Variants in RASGRF2 observed in about 807,000 individuals in gnomAD.
RASGRF2 encodes the protein Ras protein specific guanine nucleotide releasing factor 2.
In RASGRF2, 76 loss-of-function variants were observed where a neutral mutation model predicts 151.0. That is an observed-to-expected ratio of 0.50 (90% CI 0.42 to 0.61). RASGRF2 has a LOEUF of 0.61. Among genes scored for constraint, RASGRF2 ranks in the 20% least tolerant of loss-of-function variants. The pLI is 0.00. For synonymous variants in RASGRF2, 504 were observed against 566.5 expected (o/e 0.89, Z 1.57); for missense variants, 1,148 against 1,564.6 (o/e 0.73, Z 4.49).
rs547141036 is a variant in RASGRF2, at chr5:80,978,049, A to C, written c.288+17023A>C. 7.9e-5 allele frequency among the ~76,000 whole-genome samples: 12 copies of C among 152,296 alleles called. No homozygotes were observed. In the South Asian group the frequency reaches 2.5e-3, roughly 32 times the overall value. The stretch of plus-strand genomic sequence containing the variant: ...CCCTTAGAGGATAGGTGAGTGAAAG[A>C]GTTTCTTTGTCATGTGATTTCTTTC... On this transcript the variant is annotated intron_variant, in intron 1 of 26. Transcript: ENST00000265080.
intron 1 of RASGRF2, among the ~76,000 whole-genome samples, chr5:80,996,011 A>G (rs1233036154): frequency 6.6e-6 from 1 of 151,914 alleles, no homozygotes; most frequent in Non-Finnish European, 1.5e-5. Context: ...TTGTTTCTTG[A>G]CAGTAACTAG....
chr5:81,106,583 G>A (rs762630898), intron 12 of RASGRF2, among the ~76,000 whole-genome samples: 3 of 152,054 alleles, frequency 2.0e-5, no homozygotes, highest in Admixed American at 6.6e-5. Flanking sequence ...TTATGAATGC[G>A]TGCACCAGCC....
At chr5:81,093,932 C>T (rs1460710753) in intron 10 of RASGRF2, among the ~76,000 whole-genome samples, 1 of 152,022 alleles carries the variant, frequency 6.6e-6, no homozygotes, top group Non-Finnish European at 1.5e-5. Flanking sequence ...AAATATTATT[C>T]AACACCATGA....
rs1443535761 is a variant in RASGRF2 at position 81,228,230 on chromosome 5, G to A, written c.*2460G>A. 2.6e-5 allele frequency: 4 copies of A among 152,202 alleles called. No homozygotes were observed. The highest frequency in any genetic ancestry group is 4.4e-5 in the Non-Finnish European group (3 of 68,046). The allele number at this position is 152,202 out of a possible 1,614,324, so 9.4% of individuals were successfully genotyped here. On this transcript the variant is annotated 3_prime_UTR_variant, in exon 27 of 27. Coordinates refer to ENST00000265080, the MANE Select transcript of RASGRF2 (RefSeq NM_006909.3). ...CCACTCACTAGCCTTTCGCATTTTT[G>A]TTTGAGAATTACACCACTTTCTGGA...
intron 2 of RASGRF2, among the ~76,000 whole-genome samples, chr5:81,056,457 C>G (rs990027186): frequency 6.6e-6 from 1 of 152,184 alleles, no homozygotes; most frequent in Non-Finnish European, 1.5e-5. Context: ...TTTCTTAATC[C>G]TGAGTTCTCG....
At chr5:81,184,218 G>A (rs1754976513) in intron 18 of RASGRF2, among the ~76,000 whole-genome samples, 1 of 152,214 alleles carries the variant, frequency 6.6e-6, no homozygotes, top group South Asian at 2.1e-4. Context: ...TAAAGGAAGT[G>A]TTTTCATTAG....
rs2112735009 is a variant in RASGRF2 at position 81,212,351 on chromosome 5, T to C, written c.3157-15T>C. The C allele has an allele frequency of 6.4e-7, 1 of 1,574,486 alleles. No homozygotes were observed. Among genetic ancestry groups the C allele is most frequent in the Non-Finnish European group, 8.7e-7 (1 of 1,155,458 alleles). On this transcript the variant is annotated splice_polypyrimidine_tract_variant and intron_variant, in intron 22 of 26. Coordinates refer to ENST00000265080, the MANE Select transcript of RASGRF2 (RefSeq NM_006909.3). ...GGCTCTTAGACTGCCTTTCGGGGCT[T>C]TTTGATTGTCTCAGATGAGTAACCT...
chr5:81,056,094 AT>A (rs1167467267), intron 2 of RASGRF2, among the ~76,000 whole-genome samples: 1 of 151,918 alleles, frequency 6.6e-6, no homozygotes, highest in South Asian at 2.1e-4. Flanking sequence ...GGATTCATTG[AT>A]TTTTTGAAGG....
intron 22 of RASGRF2, 55 bp downstream of exon 22, chr5:81,208,493 G>A (rs575060228): frequency 6.0e-6 from 8 of 1,327,472 alleles, no homozygotes; most frequent in African/African-American, 3.0e-5. Context: ...TGGATATTGG[G>A]GTCTAAAGAC....
chr5:81,094,838 G>A lies in RASGRF2; in HGVS notation c.1619-18G>A, dbSNP rs1011251190. 3 of 1,578,044 alleles carry A rather than the reference G, an allele frequency of 1.9e-6. No homozygotes were observed. Among genetic ancestry groups the A allele is most frequent in the African/African-American group, 2.7e-5 (2 of 73,720 alleles). On this transcript the variant is annotated intron_variant, in intron 11 of 26. Transcript: ENST00000265080. The stretch of plus-strand genomic sequence containing the variant: ...TTTTTGTATTCTCATCTAATTGTTT[G>A]CTTTACATGTGTTCAAGCTAAAGGT...
At chr5:81,106,350 A>G (rs1248207412) in intron 12 of RASGRF2, among the ~76,000 whole-genome samples, 1 of 152,088 alleles carries the variant, frequency 6.6e-6, no homozygotes, top group East Asian at 1.9e-4. Flanking sequence ...TTACTGATTC[A>G]GTATTATTCT....
chr5:81,183,130 C>T (rs1298047456), intron 18 of RASGRF2: 5 of 953,004 alleles, frequency 5.2e-6, no homozygotes, highest in Non-Finnish European at 6.2e-6. Flanking sequence ...CTCAAAACTA[C>T]AGCCAAGCAT....
chr5:80,960,566 C>A lies in RASGRF2; in HGVS notation c.-173C>A. On this transcript the variant is annotated 5_prime_UTR_variant, in exon 1 of 27. Transcript: ENST00000265080. This position sits in a 1 kb window ranked among gnomAD's most constrained non-coding sequence, Gnocchi z 5.5. The stretch of plus-strand genomic sequence containing the variant: ...GCCCCAGCCCGCGCCCCTGCCACCG[C>A]GCGCCGCGGCCTCCCGAAAGCGGGC... 2 of 497,282 alleles carry A rather than the reference C, an allele frequency of 4.0e-6. No homozygotes were observed. Among genetic ancestry groups the A allele is most frequent in the Non-Finnish European group, 6.0e-6 (2 of 330,690 alleles). 30.8% of individuals were successfully genotyped at this position (497,282 alleles called of 1,614,324 possible). A position where few individuals can be genotyped will look rare whatever the true frequency, so the allele number is the denominator to read the frequency against.
chr5:80,993,669 A>C (rs1298863889), intron 1 of RASGRF2, among the ~76,000 whole-genome samples: 1 of 152,210 alleles, frequency 6.6e-6, no homozygotes, highest in African/African-American at 2.4e-5. Flanking sequence ...GCAGGGAACC[A>C]TTCTCACCTG....
At chr5:81,217,568 T>TC (rs1458813017) in intron 25 of RASGRF2, 95 bp downstream of exon 25, 578 of 746,512 alleles carry the variant, frequency 7.7e-4, no homozygotes, top group Non-Finnish European at 1.0e-3. Flanking sequence ...TTTTTTTTTT[T>TC]CTCTTCTTTT....
intron 1 of RASGRF2, among the ~76,000 whole-genome samples, chr5:81,022,784 A>G (rs1749876347): frequency 6.6e-6 from 1 of 152,112 alleles, no homozygotes; most frequent in Non-Finnish European, 1.5e-5. Flanking sequence ...GCTGGGATAC[A>G]AGGAGAGAAA....
chr5:81,224,237 A>C (rs1302942563), intron 26 of RASGRF2, among the ~76,000 whole-genome samples: 1 of 152,240 alleles, frequency 6.6e-6, no homozygotes, highest in Non-Finnish European at 1.5e-5. Context: ...AGAAAATGTA[A>C]ATTAGAGTGG....
At chr5:80,987,507 A>G (rs549181600) in intron 1 of RASGRF2, among the ~76,000 whole-genome samples, 1 of 152,322 alleles carries the variant, frequency 6.6e-6, no homozygotes, top group South Asian at 2.1e-4. Context: ...ATTTTTGGAA[A>G]TAAGTGCTGG....
chr5:80,988,982 ATT>A (rs552090820), intron 1 of RASGRF2, among the ~76,000 whole-genome samples: 6 of 144,322 alleles, frequency 4.2e-5, no homozygotes, highest in Non-Finnish European at 3.1e-5. Flanking sequence ...ATCATAATTG[ATT>A]TTTTTTTTTT....
Sources: gnomAD v4.1 joint callset for allele counts (sites outside exome capture counted in the v4.1 genomes callset) on GRCh38, gnomAD v4.1.1 for gene constraint, Gnocchi (gnomAD v3.1) non-coding constraint, MANE v1.5 for transcripts, NCBI Gene and HGNC (gene_info 2026-07-23, HGNC 2026-07-21) for gene names.